The following NME7 variants were observed in gnomAD, a reference collection of about 807,000 sequenced individuals.
NME7 encodes the protein nucleoside diphosphate kinase 7.
A neutral mutation model predicts 49.1 loss-of-function variants in NME7; 41 were observed. The observed-to-expected ratio is 0.83, with a 90% CI of 0.65 to 1.08. The LOEUF (loss-of-function observed/expected upper bound fraction) is 1.08. Ranked by LOEUF, NME7 falls within the 50% of genes least tolerant of loss-of-function variation. The pLI is 0.00. For synonymous variants in NME7, 139 were observed against 150.6 expected (o/e 0.92, Z 0.56); for missense variants, 423 against 463.4 (o/e 0.91, Z 0.80).
chr1:169,352,149 C>A (rs926504280), intron 1 of NME7, among the ~76,000 whole-genome samples: 1 of 151,540 alleles, frequency 6.6e-6, no homozygotes, highest in African/African-American at 2.4e-5. Flanking sequence ...AACTACAGAA[C>A]AATATCTCTA....
At position 169,230,739 on chromosome 1, in the gene NME7, T is replaced by C; in HGVS notation, c.969A>G (p.Glu323=). ...TTACAGGATCAGCAGGTCCACAAAA[T>C]TCTCGAAATGTCTTTGTAGCATTAT... is the stretch of plus-strand genomic sequence containing the variant. ...QQNNATKTFR[E]FCGPADPEIA... Residue 323 remains glutamate, a synonymous_variant, in exon 10 of 12, where the codon GAA becomes GAG. Transcript: ENST00000367811. 1 of 1,602,246 alleles carries C rather than the reference T, an allele frequency of 6.2e-7. No individual in the cohort carries two copies. The highest frequency in any genetic ancestry group is 8.5e-7 in the Non-Finnish European group (1 of 1,174,552).
At chr1:169,159,281 A>G (rs1300212460) in intron 11 of NME7, among the ~76,000 whole-genome samples, 1 of 152,194 alleles carries the variant, frequency 6.6e-6, no homozygotes, top group Non-Finnish European at 1.5e-5. Context: ...AAAAGCACAT[A>G]CTAAAGATGA....
At chr1:169,296,593 T>C (rs1051308815) in intron 6 of NME7, among the ~76,000 whole-genome samples, 8 of 152,134 alleles carry the variant, frequency 5.3e-5, no homozygotes, top group South Asian at 2.1e-4. Context: ...AACTCTAAGC[T>C]GTCACACTAA....
At chr1:169,284,377 G>A (rs1193340044) in intron 7 of NME7, 1 of 151,810 alleles carries the variant, frequency 6.6e-6, no homozygotes, top group East Asian at 1.9e-4. Context: ...TTTGTTGGGT[G>A]CATGAATGTC....
At chr1:169,245,467 T>C (rs1305840744) in intron 7 of NME7, among the ~76,000 whole-genome samples, 1 of 152,100 alleles carries the variant, frequency 6.6e-6, no homozygotes, top group Non-Finnish European at 1.5e-5. Flanking sequence ...ACAGGGGTGG[T>C]GGGAAATAAA....
intron 3 of NME7, chr1:169,322,304 G>T (rs1389383294): frequency 6.6e-6 from 1 of 152,232 alleles, no homozygotes; most frequent in African/African-American, 2.4e-5. Flanking sequence ...ATAGAGAGAA[G>T]AACAGGGACA....
At chr1:169,169,996 T>C (rs1027785409) in intron 10 of NME7, among the ~76,000 whole-genome samples, 19 of 152,036 alleles carry the variant, frequency 1.2e-4, no homozygotes, top group African/African-American at 3.9e-4. Context: ...GGCAAGGGAA[T>C]GATAATGATG....
chr1:169,323,125 C>T lies in NME7; in HGVS notation c.270G>A (p.Arg90=). ...TATAATTGTTTTCTTACTTTTCTTT[C>T]CTACTGCCCAGCTGGCGAGCTGTAT... is the stretch of plus-strand genomic sequence containing the variant. ...DQYTARQLGS[R]KEKTLALIKP... Residue 90 remains arginine, a synonymous_variant, in exon 3 of 12, where the codon AGG becomes AGA. Coordinates refer to ENST00000367811, the MANE Select transcript of NME7 (RefSeq NM_013330.5). The T allele has an allele frequency of 6.4e-7, 1 of 1,552,518 alleles. No homozygotes were observed. The highest frequency in any genetic ancestry group is 8.7e-7 in the Non-Finnish European group (1 of 1,155,036).
At chr1:169,337,383 G>A (rs1053628477) in intron 1 of NME7, among the ~76,000 whole-genome samples, 7 of 152,178 alleles carry the variant, frequency 4.6e-5, no homozygotes, top group Admixed American at 1.3e-4. Flanking sequence ...TGCAGGGCCC[G>A]CCAAGCCCAC....
chr1:169,305,186 T>C (rs2101914704), intron 4 of NME7, among the ~76,000 whole-genome samples: 1 of 152,372 alleles, frequency 6.6e-6, no homozygotes, highest in South Asian at 2.1e-4. Flanking sequence ...TCTTATCTAA[T>C]TCTTTGCTTT....
chr1:169,254,487 A>T (rs1439266472), intron 7 of NME7, among the ~76,000 whole-genome samples: 2 of 151,226 alleles, frequency 1.3e-5, no homozygotes, highest in Non-Finnish European at 2.9e-5. Flanking sequence ...GTGGTCTATC[A>T]ATTTTGTTGA....
intron 6 of NME7, among the ~76,000 whole-genome samples, chr1:169,288,477 C>T (rs1397496988): frequency 6.6e-6 from 1 of 151,988 alleles, no homozygotes; most frequent in Non-Finnish European, 1.5e-5. Context: ...TTCAATCCTT[C>T]TGTTGAAAAA....
intron 10 of NME7, among the ~76,000 whole-genome samples, chr1:169,201,307 G>C (rs1660544432): frequency 6.6e-6 from 1 of 152,110 alleles, no homozygotes; most frequent in Non-Finnish European, 1.5e-5. Flanking sequence ...CATGTAAAGT[G>C]TTGTCTGAGG....
At chr1:169,226,260 T>G (rs1244741785) in intron 10 of NME7, among the ~76,000 whole-genome samples, 4 of 152,182 alleles carry the variant, frequency 2.6e-5, no homozygotes, top group Non-Finnish European at 5.9e-5. Flanking sequence ...ACTATTTAAT[T>G]ATCAATTCTA....
intron 1 of NME7, among the ~76,000 whole-genome samples, chr1:169,342,680 CAAGTACATATATATAGTATATATAT>C (rs1652781270): frequency 5.3e-5 from 2 of 37,660 alleles, no homozygotes; most frequent in African/African-American, 2.3e-4. Flanking sequence ...TATATATATA[CAAGTACATATATATAGTATATATAT>C]ATACAAGTAC....
In NME7 at chr1:169,234,608, G is replaced by A. The variant is rs184969139; in HGVS notation, c.888+523C>T. 1.1e-3 allele frequency among the ~76,000 whole-genome samples: 172 copies of A among 152,102 alleles called. 4 individuals are homozygous for A. Among genetic ancestry groups the A allele is most frequent in the Admixed American group, 0.011 (166 of 15,266 alleles). ...CAACAATCTCATAAGGTAGGTAATA[G>A]CATTATTCCCATTTTATAAATGGGT... On this transcript the variant is annotated intron_variant, in intron 9 of 11. Coordinates refer to ENST00000367811, the MANE Select transcript of NME7 (RefSeq NM_013330.5).
intron 11 of NME7, among the ~76,000 whole-genome samples, chr1:169,134,945 T>C (rs1348690996): frequency 2.8e-5 from 4 of 140,624 alleles, no homozygotes; most frequent in African/African-American, 8.0e-5. Context: ...GAGTCTGAGG[T>C]TGGAGGATCA....
rs1240388430 is a variant in NME7 at position 169,355,115 on chromosome 1, A to G, written c.3+12593T>C. ...CTATATATTATAGATATAATATATA[A>G]TATACTATATATTATAGATATAATA... On this transcript the variant is annotated intron_variant, in intron 1 of 11. Transcript: ENST00000367811. 5.2e-4 allele frequency among the ~76,000 whole-genome samples: 24 copies of G among 46,026 alleles called. 3 individuals carry two copies. The highest frequency in any genetic ancestry group is 6.0e-4 in the Non-Finnish European group (17 of 28,540). The allele number at this position is 46,026 out of a possible 152,430, so 30.2% of individuals were successfully genotyped here. A position where few individuals can be genotyped will look rare whatever the true frequency, so the allele number is the denominator to read the frequency against.
At chr1:169,188,569 C>A (rs1042793697) in intron 10 of NME7, among the ~76,000 whole-genome samples, 2 of 152,192 alleles carry the variant, frequency 1.3e-5, no homozygotes, top group South Asian at 2.1e-4. Context: ...CACTGCTCTG[C>A]ACTTGCATGT....
Sources: allele counts gnomAD v4.1 joint callset (sites outside exome capture counted in the v4.1 genomes callset), GRCh38; gene constraint gnomAD v4.1.1; transcripts MANE v1.5; gene names NCBI Gene and HGNC (gene_info 2026-07-23, HGNC 2026-07-21).